The following PLBD1 variants were observed in gnomAD, a reference collection of about 807,000 sequenced individuals.
PLBD1 encodes lysosomal leucine aminopeptidase.
A neutral mutation model predicts 63.0 loss-of-function variants in PLBD1; 60 were observed. That is an observed-to-expected ratio of 0.95 (90% confidence interval 0.77 to 1.18). The LOEUF (loss-of-function observed/expected upper bound fraction) is 1.18, where lower values mean the gene tolerates loss of function less well. Among genes scored for constraint, PLBD1 ranks in the 50% most tolerant of loss-of-function variants. The pLI, the probability that PLBD1 is intolerant of heterozygous loss-of-function variation, is 0.00. For synonymous variants in PLBD1, 262 were observed against 248.0 expected, an observed-to-expected ratio of 1.06 and a Z score of -0.53; for missense variants, 598 against 677.9, an observed-to-expected ratio of 0.88 and a Z score of 1.31.
At chr12:14,539,812 T>G (rs998220358) in intron 4 of PLBD1, among the ~76,000 whole-genome samples, 4 of 151,296 alleles carry the variant, frequency 2.6e-5, no homozygotes, top group Non-Finnish European at 5.9e-5. Flanking sequence ...AGTCTTACTG[T>G]ATGCATTTTT....
chr12:14,561,421 C>G (rs991509256), intron 1 of PLBD1, among the ~76,000 whole-genome samples: 3 of 151,984 alleles, frequency 2.0e-5, no homozygotes, highest in East Asian at 3.9e-4. Context: ...ATTAATTATG[C>G]ATTTGTGTCT....
intron 2 of PLBD1, among the ~76,000 whole-genome samples, chr12:14,549,348 G>T (rs1392091784): frequency 2.6e-5 from 4 of 152,134 alleles, no homozygotes; most frequent in African/African-American, 7.2e-5. Context: ...TCTTAAAAAG[G>T]TTCATCAAGA....
intron 2 of PLBD1, among the ~76,000 whole-genome samples, chr12:14,548,454 C>A: frequency 1.6e-5 from 1 of 61,496 alleles, no homozygotes. Context: ...GAGACTCCAT[C>A]TCCAAAAAAA....
chr12:14,565,408 G>C (rs965051574), intron 1 of PLBD1, among the ~76,000 whole-genome samples: 1 of 151,544 alleles, frequency 6.6e-6, no homozygotes, highest in African/African-American at 2.4e-5. Flanking sequence ...GGAGGTTGCA[G>C]TGAGCCGAGA....
chr12:14,539,145 T>A (rs1480322878), intron 4 of PLBD1, among the ~76,000 whole-genome samples: 2 of 152,220 alleles, frequency 1.3e-5, no homozygotes, highest in African/African-American at 4.8e-5. Context: ...TTTCTTTTGT[T>A]ATACTGTATA....
At chr12:14,563,369 A>G (rs935570499) in intron 1 of PLBD1, among the ~76,000 whole-genome samples, 10 of 152,010 alleles carry the variant, frequency 6.6e-5, no homozygotes. Context: ...AAATACAAAA[A>G]TCAACCAGGC....
At chr12:14,511,175 A>T (rs1945295358) in intron 8 of PLBD1, 85 bp downstream of exon 8, 1 of 1,217,308 alleles carries the variant, frequency 8.2e-7, no homozygotes, top group Admixed American at 2.4e-5. Flanking sequence ...CCCCCACCAC[A>T]CATTCACACA....
intron 2 of PLBD1, among the ~76,000 whole-genome samples, chr12:14,548,010 T>C (rs567708530): frequency 1.8e-4 from 27 of 152,270 alleles, no homozygotes; most frequent in African/African-American, 6.0e-4. Context: ...ACATACCTCA[T>C]GGTACTGTGG....
At chr12:14,514,487 T>G (rs550904319) in intron 6 of PLBD1, among the ~76,000 whole-genome samples, 2 of 152,302 alleles carry the variant, frequency 1.3e-5, no homozygotes, top group Admixed American at 6.5e-5. Context: ...CAAGTACTAA[T>G]GTTTAAGGAG....
At position 14,553,408 on chromosome 12, in the gene PLBD1, G is replaced by T. The variant is rs777292368; in HGVS notation, c.120C>A (p.Val40=). Residue 40 remains valine (V), a synonymous_variant, in exon 2 of 11, where the codon GTC becomes GTA. Coordinates refer to ENST00000240617, the MANE Select transcript of PLBD1 (RefSeq NM_024829.6). ...GCATCCAGTATGCAGTTGCATAGTA[G>T]ACTCCTAGAAGAAAAGGGAATAATG... ...VTAEPPKPAG[V]YYATAYWMPA... 3.1e-6 allele frequency: 5 copies of T among 1,613,034 alleles called. No individual in the cohort carries two copies. Among genetic ancestry groups the T allele is most frequent in the Non-Finnish European group, 4.2e-6 (5 of 1,179,110 alleles).
chr12:14,550,082 C>A (rs1354469436), intron 2 of PLBD1, among the ~76,000 whole-genome samples: 1 of 152,190 alleles, frequency 6.6e-6, no homozygotes, highest in East Asian at 1.9e-4. Context: ...CAGCCAAACG[C>A]AGTAGTTCTC....
intron 6 of PLBD1, among the ~76,000 whole-genome samples, chr12:14,528,347 A>G (rs1184490787): frequency 1.3e-5 from 2 of 152,202 alleles, no homozygotes; most frequent in African/African-American, 4.8e-5. Context: ...CACAGGTCTC[A>G]ATAAAGTTAA....
At chr12:14,538,701 T>C (rs1945540284) in intron 4 of PLBD1, among the ~76,000 whole-genome samples, 2 of 152,174 alleles carry the variant, frequency 1.3e-5, no homozygotes, top group Admixed American at 1.3e-4. Context: ...TAATAGATAT[T>C]GCCAAATTGT....
intron 2 of PLBD1, among the ~76,000 whole-genome samples, chr12:14,550,564 G>A (rs1945649197): frequency 6.6e-6 from 1 of 152,102 alleles, no homozygotes. Context: ...GGGAAACATA[G>A]TGAGACCTCA....
intron 5 of PLBD1, chr12:14,536,058 G>C (rs1039963353): frequency 5.2e-6 from 2 of 382,056 alleles, no homozygotes; most frequent in Non-Finnish European, 9.3e-6. Context: ...CACTTTGGGA[G>C]GCCAAGGCAG....
chr12:14,505,352 A>ATT (rs1350826107), intron 10 of PLBD1, among the ~76,000 whole-genome samples: 1 of 152,196 alleles, frequency 6.6e-6, no homozygotes, highest in Non-Finnish European at 1.5e-5. Context: ...AGCTGATGAA[A>ATT]TGAAAAGACA....
chr12:14,507,573 G>C (rs1022977724), intron 8 of PLBD1, among the ~76,000 whole-genome samples: 1 of 152,184 alleles, frequency 6.6e-6, no homozygotes, highest in Admixed American at 6.5e-5. Flanking sequence ...ATAGCACTGG[G>C]AATAGAAAGC....
intron 6 of PLBD1, among the ~76,000 whole-genome samples, chr12:14,523,893 T>C (rs1436945432): frequency 6.6e-6 from 1 of 152,118 alleles, no homozygotes; most frequent in East Asian, 1.9e-4. Flanking sequence ...AGTCAAGATA[T>C]GGAATCAACC....
Position 14,567,862 on chromosome 12 carries a change from GGGCGAGGACGCTTCACGTGGT to G in PLBD1, c.-187_-167del. On this transcript the variant is annotated 5_prime_UTR_variant, in exon 1 of 11. Transcript: ENST00000240617. ...AGCCCGGCCTGCTCCGGGCTCTGAG[GGGCGAGGACGCTTCACGTGGT>G]GGCCTGGGGCCCACCCCGCCTAGGA... The G allele has an allele frequency of 1.0e-5, 10 of 964,306 alleles. No individual in the cohort carries two copies. The South Asian group carries it at 2.5e-4, about 24-fold the overall frequency. The allele number at this position is 964,306 out of a possible 1,614,324, so 59.7% of individuals were successfully genotyped here.
Sources: allele counts gnomAD v4.1 joint callset (sites outside exome capture counted in the v4.1 genomes callset), GRCh38; gene constraint gnomAD v4.1.1; transcripts MANE v1.5; gene names NCBI Gene and HGNC (gene_info 2026-07-23, HGNC 2026-07-21).